The following ARVCF variants were observed in gnomAD, a reference collection of about 807,000 sequenced individuals.
ARVCF encodes the protein ARVCF delta catenin family member.
In ARVCF, 66 loss-of-function variants were observed where a neutral mutation model predicts 90.9. The observed-to-expected ratio is 0.73, with a 90% CI of 0.60 to 0.89. The LOEUF is 0.89. Among genes scored for constraint, ARVCF ranks in the 40% least tolerant of loss-of-function variants. The pLI is 0.00. For synonymous variants in ARVCF, 653 were observed against 603.4 expected (o/e 1.08, Z -1.21); for missense variants, 1,469 against 1,382.3 (o/e 1.06, Z -1.00).
rs773343199 is a variant in ARVCF at position 19,971,962 on chromosome 22, G to C, written c.2705C>G (p.Ser902Cys). 6.2e-7 allele frequency: 1 copy of C among 1,610,758 alleles called. No individual in the cohort carries two copies. Among genetic ancestry groups the C allele is most frequent in the Non-Finnish European group, 8.5e-7 (1 of 1,178,710 alleles). The part of the protein sequence containing the change: ...PMDALGPDGY[S>C]TVDRRERRPR... ...CCTCCGCTCCCTCCGGTCCACCGTG[G>C]AGTATCCGTCTGTAGATGGGGTAAG... is the stretch of plus-strand genomic sequence containing the variant. The change falls in exon 18 of 20, where the codon TCC (serine) becomes TGC (cysteine). Residue 902 changes from serine to cysteine, a missense_variant. By Grantham distance (112) the Ser-to-Cys change is moderately radical. Coordinates refer to ENST00000263207, the MANE Select transcript of ARVCF (RefSeq NM_001670.3).
chr22:19,980,128 G>A lies in ARVCF; in HGVS notation c.1011C>T (p.Asp337=), dbSNP rs765336828. The A allele has an allele frequency of 3.1e-6, 5 of 1,592,090 alleles. No individual in the cohort carries two copies. The Admixed American group carries it at 5.0e-5, about 16-fold the overall frequency. Residue 337 remains aspartate, a synonymous_variant, in exon 6 of 20, where the codon GAC becomes GAT. Transcript: ENST00000263207. ...CTGAGGGCGAGCGCCGCACCAGCCG[G>A]TCCAGGCTGCCCATGCTGCCCCGTT... ...QPERGSMGSL[D]RLVRRSPSVD... is the part of the protein sequence containing the mutation.
At chr22:20,016,102 G>A (rs948531186) in intron 1 of ARVCF, among the ~76,000 whole-genome samples, 4 of 152,276 alleles carry the variant, frequency 2.6e-5, no homozygotes, top group African/African-American at 4.8e-5. Flanking sequence ...GGAGCAGCGC[G>A]GCGCGAGGAC....
intron 2 of ARVCF, among the ~76,000 whole-genome samples, chr22:19,991,507 G>C (rs963972339): frequency 3.3e-5 from 5 of 152,258 alleles, no homozygotes; most frequent in Non-Finnish European, 5.9e-5. Context: ...GGGACTGCAT[G>C]AAGTTAAGAG....
chr22:19,991,598 G>A (rs1944028458), intron 2 of ARVCF, among the ~76,000 whole-genome samples: 1 of 152,254 alleles, frequency 6.6e-6, no homozygotes, highest in African/African-American at 2.4e-5. Context: ...CCAAGCACAG[G>A]GTGGGATTGG....
chr22:19,979,803 G>A lies in ARVCF; in HGVS notation c.1336C>T (p.Pro446Ser), dbSNP rs1201702352. The change falls in exon 6 of 20, where the codon CCT (proline) becomes TCT (serine). Residue 446 changes from proline to serine, a missense_variant. Transcript: ENST00000263207. ...KAAIRDCGGVPALVRLLRAAR... is the reference protein window; with the variant it reads ...KAAIRDCGGVSALVRLLRAAR... ...GCCCTCAGCAGGCGCACCAGGGCAG[G>A]CACACCACCGCAGTCCCGGATGGCG... 2.5e-6 allele frequency: 4 copies of A among 1,608,408 alleles called. No homozygotes were observed. Among genetic ancestry groups the A allele is most frequent in the East Asian group, 4.5e-5 (2 of 44,696 alleles).
chr22:19,982,153 C>G lies in ARVCF; in HGVS notation c.211-62G>C. The stretch of plus-strand genomic sequence containing the variant: ...GCTCAGTCACCCCTGGAGTGCAGGT[C>G]TCCACACACAGCAGCTCTGCCTCAG... On this transcript the variant is annotated intron_variant, in intron 3 of 19. Transcript: ENST00000263207. 3 of 1,583,998 alleles carry G rather than the reference C, an allele frequency of 1.9e-6. No individual in the cohort carries two copies. The South Asian group carries it at 3.4e-5, about 18-fold the overall frequency.
chr22:19,971,276 C>T lies in ARVCF; in HGVS notation c.2841G>A (p.Val947=). Residue 947 remains valine (V), a synonymous_variant, in exon 19 of 20, where the codon GTG becomes GTA. Coordinates refer to ENST00000263207, the MANE Select transcript of ARVCF (RefSeq NM_001670.3). The part of the protein sequence containing the change: ...PGPSRPAVRL[V]DAVGDAKPQP... ...GAGGCTTAGCGTCCCCTACGGCGTC[C>T]ACCAGCCTGACCGCGGGCCTGCTGG... The T allele has an allele frequency of 6.4e-7, 1 of 1,557,266 alleles. No homozygotes were observed. Among genetic ancestry groups the T allele is most frequent in the Non-Finnish European group, 8.7e-7 (1 of 1,149,758 alleles).
At chr22:19,999,651 A>G (rs1470819094) in intron 2 of ARVCF, among the ~76,000 whole-genome samples, 1 of 152,108 alleles carries the variant, frequency 6.6e-6, no homozygotes, top group East Asian at 1.9e-4. Flanking sequence ...GGATCAGAGG[A>G]TGGTGTGGGT....
downstream of ARVCF, chr22:19,968,865 G>A: frequency 1.2e-6 from 1 of 837,522 alleles, no homozygotes; most frequent in South Asian, 1.5e-5. Flanking sequence ...GCCGAGGCCT[G>A]CGCCCTGACA....
At chr22:19,975,215 C>T (rs1057229800) in intron 11 of ARVCF, among the ~76,000 whole-genome samples, 3 of 152,206 alleles carry the variant, frequency 2.0e-5, no homozygotes, top group African/African-American at 4.8e-5. Flanking sequence ...CAGGACAGAC[C>T]TCTCTCTCAA....
chr22:19,972,530 C>A (rs923639219), intron 16 of ARVCF, 119 bp from the exon 17 acceptor site: 1 of 1,333,240 alleles, frequency 7.5e-7, no homozygotes, highest in Admixed American at 2.1e-5. Context: ...AGGTGCCCAA[C>A]CTCTGCCAGC....
intron 1 of ARVCF, among the ~76,000 whole-genome samples, chr22:20,013,128 T>C (rs1219319936): frequency 6.6e-6 from 1 of 152,238 alleles, no homozygotes; most frequent in Non-Finnish European, 1.5e-5. Flanking sequence ...CCGTGGCCAG[T>C]GGACAGGGAA....
chr22:19,969,825 GAC>G, downstream of ARVCF: 12 of 984,740 alleles, frequency 1.2e-5, no homozygotes, highest in Non-Finnish European at 1.4e-5. Flanking sequence ...CCCTGCCCCA[GAC>G]GCGCAGAGGC....
chr22:19,972,468 G>T, intron 16 of ARVCF, 57 bp from the exon 17 acceptor site: 1 of 1,605,818 alleles, frequency 6.2e-7, no homozygotes, highest in South Asian at 1.1e-5. Flanking sequence ...GATCGGGGCA[G>T]AGAAGCCCAC....
At chr22:19,979,549 T>A in intron 6 of ARVCF, 194 bp downstream of exon 6, 2 of 842,698 alleles carry the variant, frequency 2.4e-6, no homozygotes, top group Non-Finnish European at 3.6e-6. Flanking sequence ...CTCCCTGCTA[T>A]GGTAGAGACT....
intron 2 of ARVCF, among the ~76,000 whole-genome samples, chr22:20,004,703 G>A (rs1944558974): frequency 6.6e-6 from 1 of 152,108 alleles, no homozygotes. Context: ...CAGACACAAA[G>A]ACCAATGGAA....
At chr22:20,006,996 G>A (rs998806151) in intron 2 of ARVCF, among the ~76,000 whole-genome samples, 10 of 152,094 alleles carry the variant, frequency 6.6e-5, no homozygotes, top group African/African-American at 2.4e-4. Context: ...GCTCACACCT[G>A]TAATCCCAGC....
chr22:19,972,159 C>T (rs921658965), intron 17 of ARVCF, among the ~76,000 whole-genome samples, 188 bp from the exon 18 acceptor site: 7 of 152,178 alleles, frequency 4.6e-5, no homozygotes, highest in Non-Finnish European at 8.8e-5. Flanking sequence ...TCTCCAGACT[C>T]CCCTCCACTT....
chr22:19,975,056 G>C (rs1256130675), intron 11 of ARVCF, among the ~76,000 whole-genome samples: 1 of 152,124 alleles, frequency 6.6e-6, no homozygotes, highest in Non-Finnish European at 1.5e-5. Context: ...GCCCTGCTGG[G>C]CTTTCTGCTC....
Sources: gnomAD v4.1 joint callset for allele counts (sites outside exome capture counted in the v4.1 genomes callset) on GRCh38, gnomAD v4.1.1 for gene constraint, MANE v1.5 for transcripts, NCBI Gene and HGNC (gene_info 2026-07-23, HGNC 2026-07-21) for gene names.